The following PHKB variants were observed in gnomAD, a reference collection of about 807,000 sequenced individuals.
The protein encoded by PHKB is phosphorylase kinase regulatory subunit beta.
Under a neutral mutation model 152.1 loss-of-function variants are expected in PHKB, and 122 were observed. The ratio of observed to expected loss-of-function variants is 0.80; its 90% CI spans 0.69 to 0.93. PHKB has a LOEUF of 0.93. PHKB is among the 40% of genes least tolerant of loss of function. The probability of loss-of-function intolerance (pLI) is 0.00; values close to 1 mark genes in which losing one functional copy is unlikely to be tolerated. For synonymous variants in PHKB, 436 were observed against 464.9 expected, an observed-to-expected ratio of 0.94 and a Z score of 0.80; for missense variants, 1,304 against 1,328.4, an observed-to-expected ratio of 0.98 and a Z score of 0.29.
intron 26 of PHKB, among the ~76,000 whole-genome samples, chr16:47,680,834 CT>C (rs1973839231): frequency 6.6e-6 from 1 of 152,076 alleles, no homozygotes; most frequent in African/African-American, 2.4e-5. Flanking sequence ...TTTGCTCTTG[CT>C]TTTCTAGTTC....
intron 26 of PHKB, chr16:47,676,012 A>C (rs1402072725): frequency 1.3e-5 from 2 of 152,182 alleles, no homozygotes; most frequent in Non-Finnish European, 2.9e-5. Context: ...AATTATACTA[A>C]GGCCTCAACC....
In PHKB at chr16:47,660,563, G is replaced by A; in HGVS notation, c.2029G>A (p.Glu677Lys). 1 of 1,613,348 alleles carries A rather than the reference G, an allele frequency of 6.2e-7. No homozygotes were observed. The highest frequency in any genetic ancestry group is 8.5e-7 in the Non-Finnish European group (1 of 1,179,286). Residue 677 changes from glutamate (E) to lysine (K), a missense_variant, in exon 21 of 31, where the codon GAA becomes AAA. Transcript: ENST00000323584. ...TGATTTCCTACGAATCAGTGACACAGAAGAGTAAGTCCCTTTGGGTTATTT... is the reference window on the plus strand; with the variant it reads ...TGATTTCCTACGAATCAGTGACACAAAAGAGTAAGTCCCTTTGGGTTATTT... Reference protein sequence around the residue: ...QLDFLRISDTEELPEFKSFEE... With the variant: ...QLDFLRISDTKELPEFKSFEE...
intron 28 of PHKB, 47 bp downstream of exon 28, chr16:47,693,554 G>C (rs1279229887): frequency 6.3e-7 from 1 of 1,598,694 alleles, no homozygotes; most frequent in Admixed American, 1.7e-5. Context: ...TTCGCAAAGG[G>C]TAGTGAATCC....
chr16:47,521,492 G>A (rs1346689104), intron 6 of PHKB, among the ~76,000 whole-genome samples: 4 of 151,864 alleles, frequency 2.6e-5, no homozygotes, highest in Non-Finnish European at 5.9e-5. Context: ...TGTCTCTACT[G>A]AAAAATACAA....
At chr16:47,577,858 A>G (rs1047285787) in intron 7 of PHKB, among the ~76,000 whole-genome samples, 3 of 151,764 alleles carry the variant, frequency 2.0e-5, no homozygotes, top group Non-Finnish European at 4.4e-5. Flanking sequence ...TTTGTGTTTC[A>G]CTCAGCTTCT....
At chr16:47,598,376 A>T (rs913308436) in intron 13 of PHKB, among the ~76,000 whole-genome samples, 2 of 152,194 alleles carry the variant, frequency 1.3e-5, no homozygotes, top group Non-Finnish European at 2.9e-5. Context: ...TCTGCATTGA[A>T]GATCTGTAGG....
chr16:47,611,948 T>A (rs1972436137), intron 14 of PHKB, among the ~76,000 whole-genome samples: 1 of 152,210 alleles, frequency 6.6e-6, no homozygotes, highest in Non-Finnish European at 1.5e-5. Context: ...ATTTGGCCTT[T>A]ATCTTAGTTA....
At chr16:47,644,811 G>A (rs1973087472) in intron 16 of PHKB, among the ~76,000 whole-genome samples, 1 of 152,142 alleles carries the variant, frequency 6.6e-6, no homozygotes, top group African/African-American at 2.4e-5. Flanking sequence ...GGAAATGATT[G>A]ACAAATACTG....
At chr16:47,664,417 G>A (rs967639741) in intron 24 of PHKB, 5 of 176,186 alleles carry the variant, frequency 2.8e-5, no homozygotes, top group East Asian at 1.5e-4. Context: ...TTAATGATAC[G>A]TTATCCACTT....
At chr16:47,530,400 C>T (rs1280026823) in intron 6 of PHKB, among the ~76,000 whole-genome samples, 1 of 152,042 alleles carries the variant, frequency 6.6e-6, no homozygotes, top group Non-Finnish European at 1.5e-5. Context: ...GATCCGCCTG[C>T]CTCAGCCTCC....
At chr16:47,656,619 C>G (rs1428196333) in intron 20 of PHKB, among the ~76,000 whole-genome samples, 1 of 152,148 alleles carries the variant, frequency 6.6e-6, no homozygotes, top group Non-Finnish European at 1.5e-5. Context: ...GTTGTGCAAA[C>G]AATCTCTAGA....
At chr16:47,591,922 C>A (rs1377966770) in intron 10 of PHKB, among the ~76,000 whole-genome samples, 2 of 152,162 alleles carry the variant, frequency 1.3e-5, no homozygotes, top group African/African-American at 4.8e-5. Flanking sequence ...CTCTATTACT[C>A]CCTGGTTTAG....
intron 20 of PHKB, among the ~76,000 whole-genome samples, chr16:47,652,030 G>GT (rs1973245771): frequency 6.6e-6 from 1 of 151,840 alleles, no homozygotes. Context: ...TCAACTAGAG[G>GT]TTTTCTTTTT....
chr16:47,527,336 G>C (rs1440301094), intron 6 of PHKB, among the ~76,000 whole-genome samples: 2 of 151,956 alleles, frequency 1.3e-5, no homozygotes, highest in African/African-American at 4.8e-5. Flanking sequence ...ATAAATATAG[G>C]AATAATGGTA....
chr16:47,617,940 G>A (rs149123819), intron 14 of PHKB, among the ~76,000 whole-genome samples: 1 of 152,226 alleles, frequency 6.6e-6, no homozygotes, highest in African/African-American at 2.4e-5. Context: ...TATATTTGGA[G>A]AAAAGCCCTG....
intron 6 of PHKB, among the ~76,000 whole-genome samples, chr16:47,545,677 T>G (rs950241065): frequency 6.6e-6 from 1 of 152,230 alleles, no homozygotes; most frequent in Admixed American, 6.5e-5. Flanking sequence ...GGATAATATC[T>G]TGAAGCGTGT....
chr16:47,656,538 G>A (rs1036049757), intron 20 of PHKB, among the ~76,000 whole-genome samples: 6 of 152,150 alleles, frequency 3.9e-5, no homozygotes, highest in Non-Finnish European at 7.3e-5. Context: ...GGTAAAACAT[G>A]CATAACATAA....
intron 6 of PHKB, chr16:47,529,678 G>C (rs1306382987): frequency 6.6e-6 from 1 of 152,174 alleles, no homozygotes; most frequent in African/African-American, 2.4e-5. Flanking sequence ...GTTTCTAGAA[G>C]CTTGGTCCCA....
At chr16:47,553,791 G>C (rs571281441) in intron 7 of PHKB, among the ~76,000 whole-genome samples, 3 of 152,104 alleles carry the variant, frequency 2.0e-5, no homozygotes, top group Non-Finnish European at 2.9e-5. Context: ...TAACAGTCAG[G>C]GCCCTCTGCC....
Sources: allele counts gnomAD v4.1 joint callset (sites outside exome capture counted in the v4.1 genomes callset), GRCh38; gene constraint gnomAD v4.1.1; transcripts MANE v1.5; gene names NCBI Gene and HGNC (gene_info 2026-07-23, HGNC 2026-07-21).